PRKDC: variants seen among roughly 807,000 people sequenced by gnomAD.
PRKDC encodes protein kinase, DNA-activated, catalytic subunit.
Under a neutral mutation model 486.9 loss-of-function variants are expected in PRKDC, and 82 were observed. The observed-to-expected ratio is 0.17, with a 90% CI of 0.14 to 0.20. PRKDC has a LOEUF of 0.20. PRKDC is among the 10% of genes least tolerant of loss of function. PRKDC has a pLI of 1.00. For synonymous variants in PRKDC, 1,895 were observed against 1,837.0 expected (o/e 1.03, Z -0.81); for missense variants, 4,504 against 5,038.2 (o/e 0.89, Z 3.21).
chr8:47,912,320 T>A (rs1287245612), intron 25 of PRKDC, 90 bp downstream of exon 25: 9 of 1,353,312 alleles, frequency 6.7e-6, no homozygotes, highest in Non-Finnish European at 1.9e-6. Flanking sequence ...CCTAACCATC[T>A]CCAGGTAATT....
At chr8:47,861,062 T>C in intron 44 of PRKDC, 91 bp from the exon 45 acceptor site, 1 of 869,426 alleles carries the variant, frequency 1.2e-6, no homozygotes, top group South Asian at 2.0e-5. Context: ...AAAAAAAAAT[T>C]ATAAATTTTT....
At chr8:47,919,899 T>C (rs2090046329) in intron 21 of PRKDC, among the ~76,000 whole-genome samples, 2 of 152,126 alleles carry the variant, frequency 1.3e-5, no homozygotes, top group African/African-American at 4.8e-5. Flanking sequence ...ATGGCCATGA[T>C]GTCCACACTG....
At chr8:47,914,219 T>C (rs1428938332) in intron 23 of PRKDC, among the ~76,000 whole-genome samples, 155 bp from the exon 24 acceptor site, 1 of 152,248 alleles carries the variant, frequency 6.6e-6, no homozygotes, top group African/African-American at 2.4e-5. Context: ...GCCTCAGATA[T>C]GTAATTACAA....
intron 28 of PRKDC, among the ~76,000 whole-genome samples, chr8:47,900,143 T>A (rs1050265901): frequency 3.0e-4 from 46 of 152,100 alleles, no homozygotes; most frequent in Non-Finnish European, 8.8e-5. Flanking sequence ...CCAACCAGGG[T>A]CAACCTCAAT....
chr8:47,777,108 T>A (rs2086622260), intron 84 of PRKDC, 125 bp from the exon 85 acceptor site: 3 of 1,226,690 alleles, frequency 2.4e-6, no homozygotes, highest in Non-Finnish European at 3.4e-6. Flanking sequence ...AGCCTTGCTT[T>A]CTACAGCTAC....
intron 63 of PRKDC, among the ~76,000 whole-genome samples, chr8:47,825,504 C>CAAAAAAAAAAAAAA (rs397891351): frequency 2.0e-4 from 2 of 10,256 alleles, no homozygotes; most frequent in African/African-American, 7.2e-4. Flanking sequence ...AAGACTGTCT[C>CAAAAAAAAAAAAAA]AAAAAAAAAA....
chr8:47,928,365 C>A (rs1420561933), intron 19 of PRKDC, among the ~76,000 whole-genome samples: 1 of 151,874 alleles, frequency 6.6e-6, no homozygotes, highest in Non-Finnish European at 1.5e-5. Flanking sequence ...GTTGGCCAGG[C>A]TGGTCTTGAA....
chr8:47,931,197 C>G (rs2090245212), intron 16 of PRKDC, among the ~76,000 whole-genome samples: 1 of 152,200 alleles, frequency 6.6e-6, no homozygotes, highest in East Asian at 1.9e-4. Context: ...GCATGAAGAT[C>G]AGTTTTAAAC....
At chr8:47,839,272 A>T in intron 55 of PRKDC, 26 bp from the exon 56 acceptor site, 1 of 1,510,438 alleles carries the variant, frequency 6.6e-7, no homozygotes, top group Non-Finnish European at 9.2e-7. Flanking sequence ...GCAAAATGTC[A>T]CAACATTAAT....
rs2154499767 is a variant in PRKDC at position 47,837,240 on chromosome 8, T to C, written c.7733A>G (p.Glu2578Gly). 1 of 1,613,864 alleles carries C rather than the reference T, an allele frequency of 6.2e-7. No homozygotes were observed. The highest frequency in any genetic ancestry group is 8.5e-7 in the Non-Finnish European group (1 of 1,179,828). ...AAATTCGCATTCTGACAGAGGATGCTCGAACATGGGGTTTGGATAATCTGG... is the reference window on the plus strand; with the variant it reads ...AAATTCGCATTCTGACAGAGGATGCCCGAACATGGGGTTTGGATAATCTGG... ...MSPDYPNPMF[E>G]HPLSECEFQE... is the part of the protein sequence containing the mutation. Residue 2578 changes from glutamate to glycine, a missense_variant, in exon 57 of 86, where the codon GAG becomes GGG. Physicochemically the swap from Glu to Gly is moderately conservative, Grantham distance 98. Transcript: ENST00000314191.
chr8:47,954,476 T>A, intron 4 of PRKDC, 30 bp from the exon 5 acceptor site: 1 of 912,468 alleles, frequency 1.1e-6, no homozygotes, highest in Non-Finnish European at 1.6e-6. Context: ...TACATCAATG[T>A]AGTGCGGGAA....
chr8:47,927,731 A>C lies in PRKDC; in HGVS notation c.2259+40T>G, dbSNP rs760458693. 2.7e-6 allele frequency: 4 copies of C among 1,463,024 alleles called. No individual in the cohort carries two copies. In the African/African-American group the frequency reaches 5.7e-5, roughly 21 times the overall value. 90.6% of individuals were successfully genotyped at this position (1,463,024 alleles called of 1,614,324 possible). Reference sequence around the variant, plus strand: ...GTTTCTATGTGCTCTGGGACTCACAACAGCGATGAAGAGATGGCTCTGTTC... The same window carrying C: ...GTTTCTATGTGCTCTGGGACTCACACCAGCGATGAAGAGATGGCTCTGTTC... On this transcript the variant is annotated intron_variant, in intron 20 of 85. Coordinates refer to ENST00000314191, the MANE Select transcript of PRKDC (RefSeq NM_006904.7).
At chr8:47,912,978 T>C (rs1026046239) in intron 24 of PRKDC, among the ~76,000 whole-genome samples, 1 of 152,220 alleles carries the variant, frequency 6.6e-6, no homozygotes. Flanking sequence ...TTTTAACAAA[T>C]TGAAGGTCTG....
chr8:47,775,424 T>C (rs886636833), intron 85 of PRKDC, among the ~76,000 whole-genome samples: 3 of 134,420 alleles, frequency 2.2e-5, no homozygotes, highest in Admixed American at 8.4e-5. Context: ...CAGGCCGGAG[T>C]GCAATGGCGT....
Position 47,954,332 on chromosome 8 carries a change from T to A in PRKDC, c.508+6A>T. The A allele has an allele frequency of 8.8e-7, 1 of 1,138,568 alleles. No individual in the cohort carries two copies. The highest frequency in any genetic ancestry group is 1.2e-6 in the Non-Finnish European group (1 of 822,422). The allele number at this position is 1,138,568 out of a possible 1,614,324, so 70.5% of individuals were successfully genotyped here. ...TATTTGAAAATAACATGTAAATGCA[T>A]CTCACCTGTATCTGGTATTTTTTTT... On this transcript the variant is annotated splice_donor_region_variant and intron_variant, in intron 5 of 85. Transcript: ENST00000314191.
At chr8:47,933,217 A>C in intron 15 of PRKDC, 45 bp from the exon 16 acceptor site, 1 of 1,386,440 alleles carries the variant, frequency 7.2e-7, no homozygotes, top group South Asian at 1.5e-5. Flanking sequence ...TTGTGCAAAA[A>C]TGTATTAGTA....
intron 50 of PRKDC, among the ~76,000 whole-genome samples, chr8:47,854,743 T>C (rs2088494318): frequency 6.6e-6 from 1 of 152,246 alleles, no homozygotes; most frequent in Non-Finnish European, 1.5e-5. Context: ...TGCTTTCTTT[T>C]TCTTTTCCCA....
intron 26 of PRKDC, among the ~76,000 whole-genome samples, chr8:47,904,382 C>T (rs962648782): frequency 1.3e-5 from 2 of 152,164 alleles, no homozygotes; most frequent in South Asian, 2.1e-4. Flanking sequence ...AGCCACCTGG[C>T]GAGCTGGCAC....
intron 49 of PRKDC, among the ~76,000 whole-genome samples, chr8:47,855,950 C>G (rs1387168815): frequency 1.3e-5 from 2 of 152,184 alleles, no homozygotes; most frequent in East Asian, 3.9e-4. Flanking sequence ...TTCACGGCAA[C>G]CTTTCTGGCT....
Sources: allele counts gnomAD v4.1 joint callset (sites outside exome capture counted in the v4.1 genomes callset), GRCh38; gene constraint gnomAD v4.1.1; transcripts MANE v1.5; gene names NCBI Gene and HGNC (gene_info 2026-07-23, HGNC 2026-07-21).